Variants in CNOT6L observed in about 807,000 individuals in gnomAD.
CNOT6L encodes CCR4-NOT transcription complex subunit 6 like.
In CNOT6L, 7 loss-of-function variants were observed where a neutral mutation model predicts 64.0. The ratio of observed to expected loss-of-function variants is 0.11; its 90% CI spans 0.06 to 0.21. The LOEUF (loss-of-function observed/expected upper bound fraction) is 0.21, where lower values mean the gene tolerates loss of function less well. CNOT6L is among the 10% of genes least tolerant of loss of function. CNOT6L has a pLI of 1.00. For missense variants in CNOT6L, 245 were observed against 669.0 expected (o/e 0.37, Z 6.99); for synonymous variants, 193 against 243.4 (o/e 0.79, Z 1.93).
At chr4:77,769,471 G>A (rs1288878747) in intron 4 of CNOT6L, among the ~76,000 whole-genome samples, 1 of 152,084 alleles carries the variant, frequency 6.6e-6, no homozygotes, top group Non-Finnish European at 1.5e-5. Context: ...GCATAAGGCT[G>A]ATCAGGTCCA....
At chr4:77,809,806 GTTTAAAC>G (rs1377178236) in intron 1 of CNOT6L, among the ~76,000 whole-genome samples, 3 of 152,062 alleles carry the variant, frequency 2.0e-5, no homozygotes, top group Non-Finnish European at 4.4e-5. Flanking sequence ...GAAAAATAGA[GTTTAAAC>G]TTTAAGATTA....
chr4:77,803,102 T>TA (rs1731782973), intron 1 of CNOT6L, among the ~76,000 whole-genome samples: 1 of 151,874 alleles, frequency 6.6e-6, no homozygotes, highest in South Asian at 2.1e-4. Context: ...GTAATGTTTC[T>TA]AAAATGTAAA....
chr4:77,756,155 TG>T (rs1725558773), intron 5 of CNOT6L, among the ~76,000 whole-genome samples: 1 of 152,052 alleles, frequency 6.6e-6, no homozygotes, highest in South Asian at 2.1e-4. Context: ...GGCTAATTTT[TG>T]TATGTTTAGT....
At chr4:77,790,637 G>T (rs933011093) in intron 1 of CNOT6L, among the ~76,000 whole-genome samples, 4 of 151,914 alleles carry the variant, frequency 2.6e-5, no homozygotes, top group African/African-American at 9.7e-5. Flanking sequence ...TGTTTACAAA[G>T]GATTTTTTAA....
chr4:77,766,781 T>C (rs1416940191), intron 4 of CNOT6L, among the ~76,000 whole-genome samples: 2 of 150,874 alleles, frequency 1.3e-5, no homozygotes, highest in Non-Finnish European at 3.0e-5. Context: ...ATAAAACAGT[T>C]GGCCAGGCAC....
chr4:77,752,221 T>C (rs1311642195), intron 5 of CNOT6L, among the ~76,000 whole-genome samples: 2 of 152,162 alleles, frequency 1.3e-5, no homozygotes, highest in African/African-American at 2.4e-5. Context: ...ATAGAAAGTT[T>C]GAATAACCAT....
rs760839253 is a variant in CNOT6L, at chr4:77,744,865, C to T, written c.570G>A (p.Thr190=). The T allele has an allele frequency of 8.1e-6, 13 of 1,596,478 alleles. No individual in the cohort carries two copies. Among genetic ancestry groups the T allele is most frequent in the South Asian group, 6.9e-5 (6 of 87,446 alleles). ...RDQILPSASF[T]VMCYNVLCDK... ...CACATAACACATTGTAACACATAAC[C>T]GTGAATGATGCTAAGAAGTGGGAGA... Residue 190 remains threonine (T), a synonymous_variant, in exon 7 of 12, where the codon ACG becomes ACA. Transcript: ENST00000504123.
In CNOT6L at chr4:77,718,064, T is replaced by TAACTA. The variant is rs1250871098; in HGVS notation, c.*2362_*2366dup. 4 of 152,682 alleles carry TAACTA rather than the reference T, an allele frequency of 2.6e-5. No homozygotes were observed. The East Asian group carries it at 7.7e-4, about 29-fold the overall frequency. 9.5% of individuals were successfully genotyped at this position (152,682 alleles called of 1,614,324 possible). A position where few individuals can be genotyped will look rare whatever the true frequency, so the allele number is the denominator to read the frequency against. Reference sequence around the variant, plus strand: ...TTTTTTTATTTTTTCCCTCTACATTTAACTATTAAAAAAGTTTTTTATTAA... The same window carrying TAACTA: ...TTTTTTTATTTTTTCCCTCTACATTTAACTAAACTATTAAAAAAGTTTTTTATTAA... On this transcript the variant is annotated 3_prime_UTR_variant, in exon 12 of 12. Coordinates refer to ENST00000504123, the MANE Select transcript of CNOT6L (RefSeq NM_144571.3).
intron 1 of CNOT6L, among the ~76,000 whole-genome samples, chr4:77,786,641 T>G (rs1025765264): frequency 6.6e-6 from 1 of 151,834 alleles, no homozygotes; most frequent in African/African-American, 2.4e-5. Flanking sequence ...CACGCCTGGC[T>G]AATTTTTGTA....
intron 4 of CNOT6L, among the ~76,000 whole-genome samples, chr4:77,759,975 T>C (rs1223109867): frequency 6.6e-6 from 1 of 152,172 alleles, no homozygotes; most frequent in Non-Finnish European, 1.5e-5. Flanking sequence ...TAAAACTAGA[T>C]ACCAACAGAC....
At chr4:77,768,998 C>G (rs1031785467) in intron 4 of CNOT6L, among the ~76,000 whole-genome samples, 2 of 151,916 alleles carry the variant, frequency 1.3e-5, no homozygotes, top group Non-Finnish European at 2.9e-5. Context: ...CTTATAGTAG[C>G]CAAAAACAAA....
chr4:77,715,104 G>A lies in CNOT6L; in HGVS notation c.*5327C>T, dbSNP rs1202524686. On this transcript the variant is annotated 3_prime_UTR_variant, in exon 12 of 12. Transcript: ENST00000504123. The stretch of plus-strand genomic sequence containing the variant: ...GTTACCATGATTCTTACGCTTTAGA[G>A]TTAAAAGTGACAGACATACAACTGG... The A allele has an allele frequency of 2.6e-5, 4 of 152,138 alleles. No homozygotes were observed. The highest frequency in any genetic ancestry group is 4.4e-5 in the Non-Finnish European group (3 of 68,008). The allele number at this position is 152,138 out of a possible 1,614,324, so 9.4% of individuals were successfully genotyped here.
Position 77,714,438 on chromosome 4 carries a change from T to TA in CNOT6L, c.*5992dup, listed in dbSNP as rs201499481. On this transcript the variant is annotated 3_prime_UTR_variant, in exon 12 of 12. Transcript: ENST00000504123. ...AGAAAAAGTACATACACACTCTCTTTAAAAAAAAAAAAAAAAAAAAAAAAA... is the reference window on the plus strand; with the variant it reads ...AGAAAAAGTACATACACACTCTCTTTAAAAAAAAAAAAAAAAAAAAAAAAAA... 58 of 134,664 alleles carry TA rather than the reference T, an allele frequency of 4.3e-4. 1 individual carries two copies. The highest frequency in any genetic ancestry group is 1.2e-3 in the African/African-American group (42 of 33,740). 8.3% of individuals were successfully genotyped at this position (134,664 alleles called of 1,614,324 possible). A position where few individuals can be genotyped will look rare whatever the true frequency, so the allele number is the denominator to read the frequency against.
At chr4:77,807,455 T>C (rs1171027736) in intron 1 of CNOT6L, among the ~76,000 whole-genome samples, 4 of 151,704 alleles carry the variant, frequency 2.6e-5, no homozygotes, top group African/African-American at 9.7e-5. Context: ...GTAGTAAGTG[T>C]TATGAATGAA....
chr4:77,796,202 T>C lies in CNOT6L; in HGVS notation c.6-19810A>G, dbSNP rs530235644. On this transcript the variant is annotated intron_variant, in intron 1 of 11. Transcript: ENST00000504123. ...ATTAACATGCTTATTCTAAAATATATATGGAAATTCCAAGGGCCTAGAAAA... is the reference window on the plus strand; with the variant it reads ...ATTAACATGCTTATTCTAAAATATACATGGAAATTCCAAGGGCCTAGAAAA... 1.2e-3 allele frequency among the ~76,000 whole-genome samples: 187 copies of C among 152,186 alleles called. 2 individuals are homozygous for C. The highest frequency in any genetic ancestry group is 2.5e-3 in the Non-Finnish European group (168 of 68,022).
chr4:77,745,951 C>G (rs1192745219), intron 6 of CNOT6L, among the ~76,000 whole-genome samples: 2 of 152,134 alleles, frequency 1.3e-5, no homozygotes, highest in African/African-American at 4.8e-5. Flanking sequence ...GACTGGTGAC[C>G]ATTTTGTACA....
Position 77,720,198 on chromosome 4 carries a change from AT to A in CNOT6L, c.*232del. 2.3e-6 allele frequency: 1 copy of A among 433,416 alleles called. No individual in the cohort carries two copies. The highest frequency in any genetic ancestry group is 4.1e-6 in the Non-Finnish European group (1 of 241,660). 26.8% of individuals were successfully genotyped at this position (433,416 alleles called of 1,614,324 possible). Reference sequence around the variant, plus strand: ...GTTAATACAATATAAAGAAGGTCCAATTTAAAAACATGTTAAATTAAAATTT... The same window carrying A: ...GTTAATACAATATAAAGAAGGTCCAATTAAAAACATGTTAAATTAAAATTT... On this transcript the variant is annotated 3_prime_UTR_variant, in exon 12 of 12. Transcript: ENST00000504123.
At chr4:77,744,496 A>G (rs934314056) in intron 7 of CNOT6L, among the ~76,000 whole-genome samples, 5 of 152,250 alleles carry the variant, frequency 3.3e-5, no homozygotes, top group Admixed American at 6.5e-5. Context: ...TTAAGAAAAC[A>G]GTAAATAAAT....
chr4:77,770,420 C>T (rs531356952), intron 4 of CNOT6L, among the ~76,000 whole-genome samples: 1 of 152,184 alleles, frequency 6.6e-6, no homozygotes, highest in East Asian at 1.9e-4. Flanking sequence ...TTTTACCTTC[C>T]TAAGAATATA....
Sources: gnomAD v4.1 joint callset for allele counts (sites outside exome capture counted in the v4.1 genomes callset) on GRCh38, gnomAD v4.1.1 for gene constraint, MANE v1.5 for transcripts, NCBI Gene and HGNC (gene_info 2026-07-23, HGNC 2026-07-21) for gene names.